The following XKR9 variants were observed in gnomAD, a reference collection of about 807,000 sequenced individuals.
XKR9 encodes XK related 9.
Under a neutral mutation model 32.0 loss-of-function variants are expected in XKR9, and 32 were observed. That is an observed-to-expected ratio of 1.00 (90% CI 0.76 to 1.34). XKR9 has a LOEUF of 1.34. XKR9 is among the 40% of genes most tolerant of loss of function. The pLI is 0.00. For missense variants in XKR9, 546 were observed against 429.7 expected, an observed-to-expected ratio of 1.27 and a Z score of -2.39; for synonymous variants, 168 against 143.4, an observed-to-expected ratio of 1.17 and a Z score of -1.22.
the XKR9 span, among the ~76,000 whole-genome samples, chr8:70,827,970 AC>A: frequency 1.3e-5 from 2 of 152,172 alleles, no homozygotes; most frequent in Non-Finnish European, 2.9e-5. Context: ...TCCAGTGAAC[AC>A]CTTATTTATA....
the XKR9 span, among the ~76,000 whole-genome samples, chr8:70,899,964 G>A: frequency 2.0e-5 from 3 of 152,108 alleles, no homozygotes. Context: ...CAAAAAAGAT[G>A]TGCATACACA....
intron 4 of XKR9, among the ~76,000 whole-genome samples, chr8:70,708,688 G>T (rs569327015): frequency 7.9e-5 from 12 of 151,922 alleles, no homozygotes; most frequent in African/African-American, 2.4e-4. Context: ...TCTGCTTCTG[G>T]GTGGAGGAAT....
the XKR9 span, among the ~76,000 whole-genome samples, chr8:70,946,339 A>G: frequency 2.6e-5 from 4 of 151,842 alleles, no homozygotes; most frequent in Admixed American, 2.0e-4. Context: ...TGTCATTTAC[A>G]TTTGTCATAT....
the XKR9 span, among the ~76,000 whole-genome samples, chr8:70,880,818 A>C: frequency 1.3e-5 from 2 of 152,220 alleles, no homozygotes; most frequent in African/African-American, 2.4e-5. Context: ...AACCAAGACA[A>C]TCCTAAGCAA....
chr8:70,933,938 A>G, the XKR9 span, among the ~76,000 whole-genome samples: 5 of 152,166 alleles, frequency 3.3e-5, no homozygotes, highest in South Asian at 1.0e-3. Flanking sequence ...ATTTATTATG[A>G]TAATATTATC....
rs533971141 is a variant in XKR9 at position 70,707,034 on chromosome 8, T to G, written c.374T>G (p.Ile125Arg). 1 of 1,613,134 alleles carries G rather than the reference T, an allele frequency of 6.2e-7. No homozygotes were observed. Among genetic ancestry groups the G allele is most frequent in the South Asian group, 1.1e-5 (1 of 91,044 alleles). The change falls in exon 4 of 5, where the codon ATA (isoleucine) becomes AGA (arginine). Residue 125 changes from isoleucine (I) to arginine (R), a missense_variant. Coordinates refer to ENST00000408926, the MANE Select transcript of XKR9 (RefSeq NM_001011720.2). ...EEQIDLHKEV[I>R]DRVTDLSMLR... ...CAAATTGATCTACATAAAGAAGTTA[T>G]AGATAGAGTGACTGATTTGAGCATG...
At position 70,765,673 on chromosome 8, in the gene XKR9, C is replaced by T. The variant is rs138969173; in HGVS notation, n.353-23666C>T. ...GCTTTTGATGTTTTAGTCATGAAGTCGTTGCCTATGCCTATGTCCTGAATG... is the reference window on the plus strand; with the variant it reads ...GCTTTTGATGTTTTAGTCATGAAGTTGTTGCCTATGCCTATGTCCTGAATG... On this transcript the variant is annotated intron_variant and non_coding_transcript_variant, in intron 2 of 3. Transcript: ENST00000520273. 7.5e-4 allele frequency among the ~76,000 whole-genome samples: 114 copies of T among 152,256 alleles called. 1 individual carries two copies. The East Asian group carries it at 0.02, about 27-fold the overall frequency.
the XKR9 span, among the ~76,000 whole-genome samples, chr8:70,957,599 T>C: frequency 6.6e-6 from 1 of 152,062 alleles, no homozygotes; most frequent in South Asian, 2.1e-4. Flanking sequence ...TGTGTTCTCA[T>C]CATTCAGCTC....
downstream of XKR9, among the ~76,000 whole-genome samples, chr8:70,791,544 C>T (rs554832675): frequency 6.6e-6 from 1 of 152,038 alleles, no homozygotes; most frequent in Non-Finnish European, 1.5e-5. Flanking sequence ...GAGTGGGTTC[C>T]TTCCTTATAA....
chr8:70,991,510 T>C, the XKR9 span, among the ~76,000 whole-genome samples: 8 of 152,342 alleles, frequency 5.3e-5, no homozygotes, highest in East Asian at 9.6e-4. Flanking sequence ...TTCATGGAGA[T>C]GATTATTGAA....
At chr8:70,813,710 C>G in the XKR9 span, among the ~76,000 whole-genome samples, 1 of 152,160 alleles carries the variant, frequency 6.6e-6, no homozygotes, top group African/African-American at 2.4e-5. Context: ...CATCACTGGC[C>G]GTCAGAGAAA....
At position 70,720,984 on chromosome 8, in the gene XKR9, T is replaced by C. The variant is rs569848671; in HGVS notation, c.494-12812T>C. Among the ~76,000 whole-genome samples, 157 of 152,324 alleles carry C rather than the reference T, an allele frequency of 1.0e-3. 2 individuals carry two copies. The highest frequency in any genetic ancestry group is 3.5e-3 in the African/African-American group (147 of 41,570). The stretch of plus-strand genomic sequence containing the variant: ...TTACTTCCTCAATTTCAAAACTTGT[T>C]ATTGGTCTATTCAGGGATTTGACTT... On this transcript the variant is annotated intron_variant, in intron 4 of 4. Transcript: ENST00000408926.
the XKR9 span, among the ~76,000 whole-genome samples, chr8:70,935,205 A>C: frequency 2.6e-5 from 1 of 38,580 alleles, no homozygotes. Flanking sequence ...ACATATACAT[A>C]TATACACACA....
chr8:70,974,063 T>G, the XKR9 span, among the ~76,000 whole-genome samples: 50 of 152,322 alleles, frequency 3.3e-4, no homozygotes, highest in East Asian at 9.3e-3. Flanking sequence ...AGTGGAGTAT[T>G]AAAGTACCCA....
intron 4 of XKR9, among the ~76,000 whole-genome samples, chr8:70,725,126 A>G (rs962326954): frequency 3.3e-5 from 5 of 152,122 alleles, no homozygotes; most frequent in African/African-American, 1.2e-4. Flanking sequence ...ACTTACTATC[A>G]TGAGAATAGC....
the XKR9 span, among the ~76,000 whole-genome samples, chr8:71,027,867 G>A: frequency 1.3e-5 from 2 of 151,912 alleles, no homozygotes; most frequent in South Asian, 2.1e-4. Flanking sequence ...CTTCCCCTGG[G>A]GTCAAGTGAT....
chr8:70,811,477 A>G, the XKR9 span, among the ~76,000 whole-genome samples: 42 of 152,086 alleles, frequency 2.8e-4, no homozygotes, highest in African/African-American at 9.4e-4. Context: ...ACAAAAAACC[A>G]TTCAAAAAAT....
intron 2 of XKR9, among the ~76,000 whole-genome samples, chr8:70,752,553 G>T (rs1807157391): frequency 6.6e-6 from 1 of 152,008 alleles, no homozygotes; most frequent in African/African-American, 2.4e-5. Context: ...CCCCTAAAAG[G>T]CATTAATCCC....
At chr8:70,776,802 AT>A (rs1178313799) in intron 2 of XKR9, among the ~76,000 whole-genome samples, 1 of 151,690 alleles carries the variant, frequency 6.6e-6, no homozygotes, top group Non-Finnish European at 1.5e-5. Flanking sequence ...AGAAATCTTT[AT>A]AATTTTACTG....
Sources: allele counts gnomAD v4.1 joint callset (sites outside exome capture counted in the v4.1 genomes callset), GRCh38; gene constraint gnomAD v4.1.1; transcripts MANE v1.5; gene names NCBI Gene and HGNC (gene_info 2026-07-23, HGNC 2026-07-21).